The following DOK6 variants were observed in gnomAD, a reference collection of about 807,000 sequenced individuals.
DOK6 encodes docking protein 6.
DOK6 carries 22 observed loss-of-function variants against 44.0 expected under a neutral mutation model. The ratio of observed to expected loss-of-function variants is 0.50; its 90% CI spans 0.36 to 0.71. DOK6 has a LOEUF of 0.71. Ranked by LOEUF, DOK6 falls within the 30% of genes least tolerant of loss-of-function variation. The pLI, the probability that DOK6 is intolerant of heterozygous loss-of-function variation, is 0.00. For missense variants in DOK6, 340 were observed against 416.4 expected (o/e 0.82, Z 1.60); for synonymous variants, 166 against 145.5 (o/e 1.14, Z -1.01).
At chr18:69,679,325 A>G (rs1457477751) in intron 4 of DOK6, among the ~76,000 whole-genome samples, 2 of 152,214 alleles carry the variant, frequency 1.3e-5, no homozygotes, top group South Asian at 2.1e-4. Context: ...CTCATGGCCC[A>G]TTGTAGCACT....
intron 1 of DOK6, among the ~76,000 whole-genome samples, chr18:69,531,400 A>C (rs756081834): frequency 6.6e-6 from 1 of 151,554 alleles, no homozygotes; most frequent in Non-Finnish European, 1.5e-5. Flanking sequence ...CCAGTCAAAA[A>C]TCTAGTTGAA....
At chr18:69,452,368 A>C (rs543000573) in intron 1 of DOK6, among the ~76,000 whole-genome samples, 29 of 150,224 alleles carry the variant, frequency 1.9e-4, no homozygotes, top group Non-Finnish European at 3.4e-4. Context: ...ACCAGGAAGA[A>C]GTTGAATCTC....
intron 7 of DOK6, among the ~76,000 whole-genome samples, chr18:69,766,658 G>A (rs1184533673): frequency 3.9e-5 from 6 of 152,130 alleles, no homozygotes; most frequent in Admixed American, 3.9e-4. Flanking sequence ...TCATTAAATT[G>A]AGTAGGTTGA....
intron 3 of DOK6, among the ~76,000 whole-genome samples, chr18:69,631,297 A>C (rs1984685397): frequency 6.6e-6 from 1 of 152,204 alleles, no homozygotes; most frequent in Non-Finnish European, 1.5e-5. Flanking sequence ...GATAATATAT[A>C]AGCCCAGTGT....
intron 7 of DOK6, among the ~76,000 whole-genome samples, chr18:69,800,130 C>T (rs188806693): frequency 1.1e-3 from 160 of 151,764 alleles, no homozygotes; most frequent in African/African-American, 3.6e-3. Flanking sequence ...TTCAGTTTGG[C>T]TTATTTTTTC....
At chr18:69,628,013 T>C (rs1015105666) in intron 3 of DOK6, among the ~76,000 whole-genome samples, 1 of 152,238 alleles carries the variant, frequency 6.6e-6, no homozygotes, top group African/African-American at 2.4e-5. Flanking sequence ...TTATGCATAA[T>C]GTACAAAACA....
chr18:69,753,282 C>T (rs1979245083), intron 6 of DOK6, among the ~76,000 whole-genome samples: 1 of 152,106 alleles, frequency 6.6e-6, no homozygotes, highest in Admixed American at 6.5e-5. Context: ...TACAAGAGCC[C>T]TCTAAATCTA....
intron 2 of DOK6, among the ~76,000 whole-genome samples, chr18:69,594,554 A>G (rs1983695656): frequency 6.6e-6 from 1 of 151,148 alleles, no homozygotes; most frequent in Admixed American, 6.6e-5. Flanking sequence ...CTCCTATTCT[A>G]CATAGCACTA....
chr18:69,454,965 C>T (rs1403181736), intron 1 of DOK6, among the ~76,000 whole-genome samples: 51 of 139,310 alleles, frequency 3.7e-4, no homozygotes, highest in African/African-American at 9.6e-4. Flanking sequence ...GGCTAGATGA[C>T]GAGTTAGTGG....
At chr18:69,553,632 G>A (rs998955847) in intron 1 of DOK6, among the ~76,000 whole-genome samples, 1 of 152,146 alleles carries the variant, frequency 6.6e-6, no homozygotes, top group Non-Finnish European at 1.5e-5. Context: ...CCAGCACGGT[G>A]TCTCCCTGCT....
chr18:69,454,908 GT>G (rs1979579667), intron 1 of DOK6, among the ~76,000 whole-genome samples: 1 of 130,224 alleles, frequency 7.7e-6, no homozygotes, highest in Non-Finnish European at 1.6e-5. Context: ...AGGGACTGTG[GT>G]GGGGTGGGGG....
chr18:69,437,405 A>G (rs1334485740), intron 1 of DOK6, among the ~76,000 whole-genome samples: 2 of 152,172 alleles, frequency 1.3e-5, no homozygotes, highest in Non-Finnish European at 2.9e-5. Context: ...ACCATTTATT[A>G]AATAGGGAAT....
At chr18:69,756,563 T>C (rs1295282098) in intron 6 of DOK6, among the ~76,000 whole-genome samples, 2 of 152,246 alleles carry the variant, frequency 1.3e-5, no homozygotes. Context: ...TCAAGCTCTA[T>C]AATTCCACTT....
intron 7 of DOK6, among the ~76,000 whole-genome samples, chr18:69,809,593 CACAA>C (rs1226844589): frequency 1.8e-5 from 2 of 111,410 alleles, no homozygotes; most frequent in East Asian, 2.9e-4. Context: ...CACACACACA[CACAA>C]AAGAAAGAAA....
At chr18:69,580,836 C>T (rs897566519) in intron 2 of DOK6, among the ~76,000 whole-genome samples, 1 of 152,136 alleles carries the variant, frequency 6.6e-6, no homozygotes, top group African/African-American at 2.4e-5. Flanking sequence ...TTCCCCATCC[C>T]CTCAACCCTT....
chr18:69,632,521 G>T lies in DOK6; in HGVS notation c.289+33023G>T, dbSNP rs560693392. 2.6e-5 allele frequency among the ~76,000 whole-genome samples: 4 copies of T among 152,118 alleles called. No individual in the cohort carries two copies. In the East Asian group the frequency reaches 7.7e-4, roughly 29 times the overall value. On this transcript the variant is annotated intron_variant, in intron 3 of 7. Transcript: ENST00000382713. ...CGGTGTATCAGAATACTGTATATAG[G>T]AAGGAACCTGGGTCCACCTCCCCAC...
intron 6 of DOK6, among the ~76,000 whole-genome samples, chr18:69,751,485 A>G (rs1979176324): frequency 6.6e-6 from 1 of 152,216 alleles, no homozygotes; most frequent in Non-Finnish European, 1.5e-5. Flanking sequence ...TGGATTAAAA[A>G]TTGAACAAAT....
At chr18:69,570,434 A>G (rs968136400) in intron 2 of DOK6, among the ~76,000 whole-genome samples, 1 of 152,078 alleles carries the variant, frequency 6.6e-6, no homozygotes, top group Non-Finnish European at 1.5e-5. Context: ...AAAAACAAAG[A>G]AGTAAAACCG....
intron 7 of DOK6, among the ~76,000 whole-genome samples, chr18:69,767,498 T>G (rs1979753659): frequency 6.6e-6 from 1 of 152,060 alleles, no homozygotes; most frequent in Non-Finnish European, 1.5e-5. Flanking sequence ...AACCCAAGGT[T>G]TGCAGAACTC....
Sources: allele counts gnomAD v4.1 joint callset (sites outside exome capture counted in the v4.1 genomes callset), GRCh38; gene constraint gnomAD v4.1.1; transcripts MANE v1.5; gene names NCBI Gene and HGNC (gene_info 2026-07-23, HGNC 2026-07-21).